Variants in KCNK13 observed in about 807,000 individuals in gnomAD.
The protein encoded by KCNK13 is potassium two pore domain channel subfamily K member 13.
In KCNK13, 12 loss-of-function variants were observed where a neutral mutation model predicts 23.4. The observed-to-expected ratio is 0.51, with a 90% confidence interval of 0.33 to 0.83. KCNK13 has a LOEUF of 0.83. KCNK13 is among the 40% of genes least tolerant of loss of function. KCNK13 has a pLI of 0.02. For synonymous variants in KCNK13, 231 were observed against 229.5 expected, an observed-to-expected ratio of 1.01 and a Z score of -0.06; for missense variants, 463 against 556.3, an observed-to-expected ratio of 0.83 and a Z score of 1.69.
At chr14:90,158,798 GTAACAAGACC>G (rs1344530365) in intron 1 of KCNK13, among the ~76,000 whole-genome samples, 3 of 152,308 alleles carry the variant, frequency 2.0e-5, no homozygotes, top group Non-Finnish European at 4.4e-5. Flanking sequence ...ACATGCAAAT[GTAACAAGACC>G]TAACAAGCAA....
At chr14:90,128,296 G>T (rs1432615660) in intron 1 of KCNK13, among the ~76,000 whole-genome samples, 1 of 152,102 alleles carries the variant, frequency 6.6e-6, no homozygotes, top group African/African-American at 2.4e-5. Context: ...TCCCAGGGAG[G>T]ATTCACTTGG....
chr14:90,144,416 C>T (rs562514420), intron 1 of KCNK13, among the ~76,000 whole-genome samples: 1 of 151,296 alleles, frequency 6.6e-6, no homozygotes, highest in East Asian at 2.0e-4. Flanking sequence ...AGTTATTAGT[C>T]TTGCTTCTCT....
intron 1 of KCNK13, among the ~76,000 whole-genome samples, chr14:90,073,827 C>T (rs901489941): frequency 1.3e-5 from 2 of 152,040 alleles, no homozygotes; most frequent in Admixed American, 1.3e-4. Flanking sequence ...CGTGCCACCA[C>T]GCCCAGCTAA....
rs184445898 is a variant in KCNK13 at position 90,177,742 on chromosome 14, C to T, written c.335-6369C>T. ...GATGGGGCCAGAGCTGGGAAGGAGT[C>T]GGTCTTGATTCATGCATCATATTCT... On this transcript the variant is annotated intron_variant, in intron 1 of 1. Transcript: ENST00000282146. Among the ~76,000 whole-genome samples the T allele has an allele frequency of 2.0e-3, 309 of 152,232 alleles. 3 individuals are homozygous for T. The highest frequency in any genetic ancestry group is 1.6e-3 in the Non-Finnish European group (112 of 68,014).
intron 1 of KCNK13, among the ~76,000 whole-genome samples, chr14:90,172,474 C>T (rs1890376140): frequency 1.3e-5 from 2 of 152,152 alleles, no homozygotes; most frequent in Admixed American, 1.3e-4. Flanking sequence ...TGGTGCACAA[C>T]TATAGCTTTC....
chr14:90,088,105 C>T lies in KCNK13; in HGVS notation c.334+25566C>T, dbSNP rs575287461. On this transcript the variant is annotated intron_variant, in intron 1 of 1. Coordinates refer to ENST00000282146, the MANE Select transcript of KCNK13 (RefSeq NM_022054.4). Reference sequence around the variant, plus strand: ...GCAACCTCCACCTCCTGGGTTTAAGCGGTTCTTACACCTCAGCCTCCCGGG... The same window carrying T: ...GCAACCTCCACCTCCTGGGTTTAAGTGGTTCTTACACCTCAGCCTCCCGGG... Among the ~76,000 whole-genome samples, 4 of 152,196 alleles carry T rather than the reference C, an allele frequency of 2.6e-5. No individual in the cohort carries two copies. The East Asian group carries it at 7.7e-4, about 29-fold the overall frequency.
At chr14:90,175,220 A>G (rs1890409623) in intron 1 of KCNK13, among the ~76,000 whole-genome samples, 2 of 152,146 alleles carry the variant, frequency 1.3e-5, no homozygotes, top group African/African-American at 4.8e-5. Flanking sequence ...AGGGGTACCT[A>G]GGTACCTGGA....
At chr14:90,181,786 T>A (rs1890490533) in intron 1 of KCNK13, among the ~76,000 whole-genome samples, 1 of 152,130 alleles carries the variant, frequency 6.6e-6, no homozygotes. Context: ...AGCCCACACA[T>A]CTCTCTTCAT....
chr14:90,163,388 T>A (rs114968606), intron 1 of KCNK13, among the ~76,000 whole-genome samples: 2,582 of 152,312 alleles, frequency 0.017, 71 homozygotes, highest in African/African-American at 0.059. Flanking sequence ...AAGCCTGCAG[T>A]GAAGACACTC....
intron 1 of KCNK13, among the ~76,000 whole-genome samples, chr14:90,157,248 C>T (rs181124358): frequency 5.5e-4 from 84 of 152,224 alleles, no homozygotes; most frequent in Admixed American, 1.2e-3. Context: ...CTATTGTAAT[C>T]CTCAGTTAAC....
chr14:90,154,834 A>G (rs774241214), intron 1 of KCNK13, among the ~76,000 whole-genome samples: 31 of 152,222 alleles, frequency 2.0e-4, no homozygotes, highest in African/African-American at 7.5e-4. Flanking sequence ...GAGATATTGC[A>G]TTGGCAAATT....
At chr14:90,080,224 C>T (rs138346076) in intron 1 of KCNK13, among the ~76,000 whole-genome samples, 1,981 of 152,184 alleles carry the variant, frequency 0.013, 43 homozygotes, top group African/African-American at 0.046. Context: ...GAGGCTGAGG[C>T]GGGCGCATCA....
intron 1 of KCNK13, among the ~76,000 whole-genome samples, chr14:90,161,079 T>C (rs537631080): frequency 6.6e-6 from 1 of 152,074 alleles, no homozygotes; most frequent in South Asian, 2.1e-4. Flanking sequence ...ATAAACAAAA[T>C]GTGGTCTATA....
At chr14:90,183,698 G>A (rs1890512802) in intron 1 of KCNK13, among the ~76,000 whole-genome samples, 1 of 152,174 alleles carries the variant, frequency 6.6e-6, no homozygotes, top group African/African-American at 2.4e-5. Context: ...GTCTGTATAA[G>A]CCTCTTCTTT....
chr14:90,127,674 T>C (rs747681686), intron 1 of KCNK13, among the ~76,000 whole-genome samples: 37 of 147,086 alleles, frequency 2.5e-4, no homozygotes, highest in Non-Finnish European at 4.9e-4. Flanking sequence ...AAAAAATGAG[T>C]GAGGGGCAGT....
At chr14:90,089,193 G>A (rs569639986) in intron 1 of KCNK13, among the ~76,000 whole-genome samples, 1 of 152,300 alleles carries the variant, frequency 6.6e-6, no homozygotes, top group African/African-American at 2.4e-5. Flanking sequence ...GGAAAGTTTG[G>A]AACTTCCTAG....
chr14:90,072,562 G>A lies in KCNK13; in HGVS notation c.334+10023G>A, dbSNP rs139002809. ...GGGAGGACAGGGAGCGCATAGCATC[G>A]CTCTTGAGTGTAGCAGAGCTTGCTT... On this transcript the variant is annotated intron_variant, in intron 1 of 1. Coordinates refer to ENST00000282146, the MANE Select transcript of KCNK13 (RefSeq NM_022054.4). 5.7e-4 allele frequency among the ~76,000 whole-genome samples: 87 copies of A among 152,292 alleles called. No homozygotes were observed. In the South Asian group the frequency reaches 0.011, roughly 20 times the overall value.
chr14:90,094,462 C>T (rs1389706813), intron 1 of KCNK13, among the ~76,000 whole-genome samples: 1 of 152,096 alleles, frequency 6.6e-6, no homozygotes, highest in African/African-American at 2.4e-5. Flanking sequence ...ACTTGCTTAA[C>T]TTGTTTCCTC....
At chr14:90,091,346 G>A (rs534574417) in intron 1 of KCNK13, among the ~76,000 whole-genome samples, 5 of 152,184 alleles carry the variant, frequency 3.3e-5, no homozygotes, top group South Asian at 2.1e-4. Context: ...GAATCGAACC[G>A]GTAAAGAATG....
Sources: gnomAD v4.1 joint callset for allele counts (sites outside exome capture counted in the v4.1 genomes callset) on GRCh38, gnomAD v4.1.1 for gene constraint, MANE v1.5 for transcripts, NCBI Gene and HGNC (gene_info 2026-07-23, HGNC 2026-07-21) for gene names.